Variants in FAM228B observed in about 807,000 individuals in gnomAD.
FAM228B encodes protein FAM228B.
Under a neutral mutation model 42.6 loss-of-function variants are expected in FAM228B, and 38 were observed. That is an observed-to-expected ratio of 0.89 (90% CI 0.69 to 1.17). The LOEUF (loss-of-function observed/expected upper bound fraction) is 1.17. Among genes scored for constraint, FAM228B ranks in the 50% most tolerant of loss-of-function variants. The pLI is 0.00. For synonymous variants in FAM228B, 109 were observed against 122.3 expected (o/e 0.89, Z 0.72); for missense variants, 344 against 367.3 (o/e 0.94, Z 0.52).
intron 9 of FAM228B, among the ~76,000 whole-genome samples, chr2:24,167,312 T>C (rs1483618692): frequency 6.6e-6 from 1 of 152,090 alleles, no homozygotes; most frequent in East Asian, 1.9e-4. Context: ...GTGGTTCTAG[T>C]CACTGACCTA....
rs144988626 is a variant in FAM228B, at chr2:24,077,593, C to A, written c.-290+624C>A. 2.8e-5 allele frequency: 45 copies of A among 1,591,098 alleles called. No individual in the cohort carries two copies. Among genetic ancestry groups the A allele is most frequent in the Non-Finnish European group, 2.9e-5 (34 of 1,167,278 alleles). ...CCCATCCTCCTTCACTGGGGCAGTT[C>A]CAGGACGATCTTGCCTATGTTCTTG... is the stretch of plus-strand genomic sequence containing the variant. On this transcript the variant is annotated intron_variant, in intron 1 of 10. Coordinates refer to the FAM228B transcript ENST00000613899. The surrounding 1 kb of genome is among the most constrained non-coding windows in gnomAD (Gnocchi z 5.5).
rs573941088 is a variant in FAM228B at position 24,079,196 on chromosome 2, C to A, written c.-289-1680C>A. ...TTCCTAATATAGTCAGTGCTTTCTT[C>A]ATTCTGTTAGAATGTTCAGATAACC... is the stretch of plus-strand genomic sequence containing the variant. On this transcript the variant is annotated intron_variant, in intron 1 of 10. Transcript: ENST00000613899. 30 of 492,518 alleles carry A rather than the reference C, an allele frequency of 6.1e-5. No individual in the cohort carries two copies. In the South Asian group the frequency reaches 8.5e-4, roughly 14 times the overall value. The allele number at this position is 492,518 out of a possible 1,614,324, so 30.5% of individuals were successfully genotyped here.
rs2150981727 is a variant in FAM228B, at chr2:24,077,885, C to T, written c.-290+916C>T. On this transcript the variant is annotated intron_variant, in intron 1 of 10. Coordinates refer to the FAM228B transcript ENST00000613899. This position sits in a 1 kb window ranked among gnomAD's most constrained non-coding sequence, Gnocchi z 5.5. Reference sequence around the variant, plus strand: ...TGAAAAAGCACACAGGGACACTTAACCCCTCACTTCCTAGCATGTGTGTGA... The same window carrying T: ...TGAAAAAGCACACAGGGACACTTAATCCCTCACTTCCTAGCATGTGTGTGA... The T allele has an allele frequency of 4.1e-6, 4 of 979,754 alleles. No homozygotes were observed. The highest frequency in any genetic ancestry group is 4.5e-6 in the Non-Finnish European group (3 of 663,002). The allele number at this position is 979,754 out of a possible 1,614,324, so 60.7% of individuals were successfully genotyped here.
intron 7 of FAM228B, among the ~76,000 whole-genome samples, chr2:24,155,527 ATATATTTTTT>A (rs1185711803): frequency 0.014 from 263 of 18,896 alleles, no homozygotes; most frequent in Middle Eastern, 0.045. Context: ...ATATATATAT[ATATATTTTTT>A]TTTTTTTTTT....
At chr2:24,096,006 C>A (rs531163204) in intron 3 of FAM228B, 1 of 152,426 alleles carries the variant, frequency 6.6e-6, no homozygotes, top group African/African-American at 2.4e-5. Context: ...GGGTGGACCT[C>A]CAGCAAACTC....
chr2:24,158,213 T>C (rs901568036), intron 7 of FAM228B, among the ~76,000 whole-genome samples: 1 of 143,098 alleles, frequency 7.0e-6, no homozygotes. Flanking sequence ...TTTTTTTTTT[T>C]CCAAAACATT....
At chr2:24,087,368 C>T (rs1665283621) in intron 2 of FAM228B, 1 of 152,194 alleles carries the variant, frequency 6.6e-6, no homozygotes, top group African/African-American at 2.4e-5. Context: ...GCATGAGCCA[C>T]TCTGCCTGGC....
intron 1 of FAM228B, chr2:24,079,442 A>G (rs1321781106): frequency 1.2e-6 from 2 of 1,613,108 alleles, no homozygotes; most frequent in African/African-American, 2.7e-5. Context: ...TTCATCACTC[A>G]CCTTATTGTC....
At chr2:24,149,860 T>A (rs1666985338) in intron 7 of FAM228B, among the ~76,000 whole-genome samples, 1 of 152,224 alleles carries the variant, frequency 6.6e-6, no homozygotes, top group African/African-American at 2.4e-5. Flanking sequence ...TTTTTGTAAA[T>A]CTGTTACTGG....
intron 8 of FAM228B, 142 bp from the exon 9 acceptor site, chr2:24,164,056 A>AC (rs147058305): frequency 0.011 from 8,056 of 722,856 alleles, 89 homozygotes; most frequent in Non-Finnish European, 0.014. Flanking sequence ...ATTTTCACAC[A>AC]AAAAAAGTAA....
chr2:24,117,309 C>A (rs1022324652), intron 3 of FAM228B, among the ~76,000 whole-genome samples: 1 of 151,930 alleles, frequency 6.6e-6, no homozygotes, highest in Non-Finnish European at 1.5e-5. Flanking sequence ...AGCCACTGCA[C>A]AAACCTGATT....
At chr2:24,156,319 A>G (rs1019734836) in intron 7 of FAM228B, among the ~76,000 whole-genome samples, 16 of 152,074 alleles carry the variant, frequency 1.1e-4, no homozygotes, top group African/African-American at 3.9e-4. Context: ...TGTCATATCC[A>G]TTCCTAAATC....
intron 5 of FAM228B, among the ~76,000 whole-genome samples, 193 bp downstream of exon 5, chr2:24,139,643 A>G: frequency 6.6e-6 from 1 of 152,212 alleles, no homozygotes; most frequent in Non-Finnish European, 1.5e-5. Context: ...AAAAGTGGAA[A>G]ATACTGGATA....
intron 4 of FAM228B, 104 bp downstream of exon 4, chr2:24,138,204 T>A: frequency 2.4e-6 from 2 of 823,858 alleles, no homozygotes; most frequent in South Asian, 3.5e-5. Context: ...CCTCTACATA[T>A]GTATCATCTA....
chr2:24,152,117 C>T (rs1433118176), intron 7 of FAM228B, among the ~76,000 whole-genome samples: 2 of 152,202 alleles, frequency 1.3e-5, no homozygotes, highest in African/African-American at 4.8e-5. Flanking sequence ...AATCTGCCTG[C>T]CTCAGCCTCC....
Position 24,161,570 on chromosome 2 carries a change from T to C in FAM228B, c.751T>C (p.Tyr251His). 2 of 1,548,310 alleles carry C rather than the reference T, an allele frequency of 1.3e-6. No homozygotes were observed. The highest frequency in any genetic ancestry group is 1.7e-6 in the Non-Finnish European group (2 of 1,143,800). The change falls in exon 8 of 11, where the codon TAT becomes CAT. Residue 251 changes from tyrosine to histidine, a missense_variant. Physicochemically the swap from Tyr to His is moderately conservative, Grantham distance 83. Coordinates refer to ENST00000615575, the MANE Select transcript of FAM228B (RefSeq NM_001145710.2). ...TTTGAAACCTTTGGCAAGAGCTCCT[T>C]ATCTTTTGGAATCCCAGGAAGAAGA... is the stretch of plus-strand genomic sequence containing the variant. ...FDLKPLARAP[Y>H]LLESQEEEKT...
intron 3 of FAM228B, among the ~76,000 whole-genome samples, chr2:24,103,828 A>G (rs1665652395): frequency 6.6e-6 from 1 of 152,220 alleles, no homozygotes; most frequent in African/African-American, 2.4e-5. Flanking sequence ...TCCAGGTATC[A>G]GTGTGCTAAT....
At chr2:24,155,960 A>G (rs1434516251) in intron 7 of FAM228B, among the ~76,000 whole-genome samples, 1 of 152,200 alleles carries the variant, frequency 6.6e-6, no homozygotes, top group Non-Finnish European at 1.5e-5. Context: ...TTCAGTCTCC[A>G]GCCTGAACAC....
At chr2:24,154,501 C>T (rs1453908081) in intron 7 of FAM228B, among the ~76,000 whole-genome samples, 1 of 152,200 alleles carries the variant, frequency 6.6e-6, no homozygotes, top group Non-Finnish European at 1.5e-5. Flanking sequence ...CAAATAATTT[C>T]TCTCAGCCTA....
Sources: gnomAD v4.1 joint callset for allele counts (sites outside exome capture counted in the v4.1 genomes callset) on GRCh38, gnomAD v4.1.1 for gene constraint, Gnocchi (gnomAD v3.1) non-coding constraint, MANE v1.5 for transcripts, NCBI Gene and HGNC (gene_info 2026-07-23, HGNC 2026-07-21) for gene names.